Variants in RBFOX1 observed in about 807,000 individuals in gnomAD.
The protein encoded by RBFOX1 is RNA binding protein fox-1 homolog 1.
In RBFOX1, 8 loss-of-function variants were observed where a neutral mutation model predicts 57.7. That is an observed-to-expected ratio of 0.14 (90% CI 0.08 to 0.25). RBFOX1 has a LOEUF of 0.25. RBFOX1 is among the 10% of genes least tolerant of loss of function. The pLI is 1.00. For missense variants in RBFOX1, 611 were observed against 548.5 expected, an observed-to-expected ratio of 1.11 and a Z score of -1.14; for synonymous variants, 326 against 222.4, an observed-to-expected ratio of 1.47 and a Z score of -4.15.
rs2063711682 is a variant in RBFOX1, at chr16:5,298,065, T to G, written c.219+57960T>G. On this transcript the variant is annotated intron_variant, in intron 1 of 2. Coordinates refer to the RBFOX1 transcript ENST00000585867. ...AGTCATAGTAGTAAACAGTGAGTCC[T>G]TTGGGAAGAAACGTATTTAAGTAAA... Among the ~76,000 whole-genome samples the G allele has an allele frequency of 1.3e-5, 2 of 152,154 alleles. 1 individual carries two copies. Among genetic ancestry groups the G allele is most frequent in the South Asian group, 4.1e-4 (2 of 4,830 alleles).
chr16:6,769,609 C>G (rs1025286523), intron 3 of RBFOX1, among the ~76,000 whole-genome samples: 3 of 152,204 alleles, frequency 2.0e-5, no homozygotes, highest in Admixed American at 1.3e-4. Flanking sequence ...CAAGACTTCT[C>G]TATGGCATCT....
chr16:6,372,050 A>C (rs1412386367), intron 2 of RBFOX1, among the ~76,000 whole-genome samples: 3 of 152,192 alleles, frequency 2.0e-5, no homozygotes, highest in Non-Finnish European at 4.4e-5. Context: ...GGTTGAATGA[A>C]AGGATGGTTG....
intron 4 of RBFOX1, among the ~76,000 whole-genome samples, chr16:7,381,493 C>A (rs2097781134): frequency 6.9e-6 from 1 of 143,902 alleles, no homozygotes; most frequent in Non-Finnish European, 1.5e-5. Flanking sequence ...GTTCATACAT[C>A]GTTCCCCCCC....
intron 1 of RBFOX1, among the ~76,000 whole-genome samples, chr16:5,251,332 G>A (rs553839580): frequency 6.0e-4 from 92 of 152,408 alleles, no homozygotes; most frequent in African/African-American, 2.2e-3. Flanking sequence ...AGGGTTCAGT[G>A]AGATCACTGT....
At position 6,965,150 on chromosome 16, in the gene RBFOX1, C is replaced by G. The variant is rs543136455; in HGVS notation, c.-15-86907C>G. 3.3e-5 allele frequency among the ~76,000 whole-genome samples: 5 copies of G among 152,146 alleles called. No individual in the cohort carries two copies. In the South Asian group the frequency reaches 1.0e-3, roughly 32 times the overall value. ...CCATGGTTCTCGGGGCCAAGGGCAA[C>G]TGTACTGCTGCAGATTGCTGTGGTG... is the stretch of plus-strand genomic sequence containing the variant. On this transcript the variant is annotated intron_variant, in intron 3 of 15. Coordinates refer to ENST00000550418, the MANE Select transcript of RBFOX1 (RefSeq NM_018723.4).
At chr16:5,624,970 C>T (rs780477201) in intron 3 of RBFOX1, among the ~76,000 whole-genome samples, 6 of 152,072 alleles carry the variant, frequency 3.9e-5, no homozygotes, top group African/African-American at 1.2e-4. Flanking sequence ...GATTTGGGGC[C>T]GTGTGATTGA....
rs564523828 is a variant in RBFOX1 at position 6,254,513 on chromosome 16, C to T, written c.-126-62482C>T. Among the ~76,000 whole-genome samples, 4 of 152,218 alleles carry T rather than the reference C, an allele frequency of 2.6e-5. No individual in the cohort carries two copies. The South Asian group carries it at 6.2e-4, about 24-fold the overall frequency. ...GTAATAACCCTTGCTGAGTTTGAAG[C>T]TTGATCCCAAGGTCATACCATCTTG... On this transcript the variant is annotated intron_variant, in intron 1 of 15. Transcript: ENST00000550418.
chr16:5,882,448 G>A (rs1007443338), intron 4 of RBFOX1, among the ~76,000 whole-genome samples: 1 of 152,148 alleles, frequency 6.6e-6, no homozygotes, highest in Admixed American at 6.5e-5. Flanking sequence ...CAGTCACTTG[G>A]TCTCATAAAC....
At chr16:7,170,241 C>T (rs190149080) in intron 4 of RBFOX1, among the ~76,000 whole-genome samples, 1 of 152,116 alleles carries the variant, frequency 6.6e-6, no homozygotes, top group Admixed American at 6.5e-5. Context: ...ATAACAGTAA[C>T]AATTTATCCT....
At chr16:6,631,628 TAAAC>T (rs1255807357) in intron 2 of RBFOX1, among the ~76,000 whole-genome samples, 2 of 151,860 alleles carry the variant, frequency 1.3e-5, no homozygotes, top group African/African-American at 4.8e-5. Flanking sequence ...GATAGAAAAA[TAAAC>T]AAGGAAATCA....
At chr16:7,487,836 GA>G (rs1251852841) in intron 4 of RBFOX1, among the ~76,000 whole-genome samples, 2 of 152,062 alleles carry the variant, frequency 1.3e-5, no homozygotes, top group Non-Finnish European at 2.9e-5. Context: ...GTCTTGGGTA[GA>G]AAAAAAGCTG....
At chr16:7,000,318 A>T (rs957793250) in intron 3 of RBFOX1, among the ~76,000 whole-genome samples, 2 of 152,058 alleles carry the variant, frequency 1.3e-5, no homozygotes, top group Non-Finnish European at 2.9e-5. Flanking sequence ...CATGATCGAT[A>T]TGTCTCAAAT....
chr16:6,777,078 C>G (rs7197094), intron 3 of RBFOX1, among the ~76,000 whole-genome samples: 2,642 of 152,190 alleles, frequency 0.017, 80 homozygotes, highest in African/African-American at 0.059. Context: ...TCTGTGTTAA[C>G]CGTGTTGTAT....
intron 1 of RBFOX1, among the ~76,000 whole-genome samples, chr16:6,108,463 T>C (rs2096407912): frequency 6.6e-6 from 1 of 152,240 alleles, no homozygotes; most frequent in South Asian, 2.1e-4. Flanking sequence ...TAAATGCTGC[T>C]ACAGGGTAGG....
chr16:6,656,597 T>TACACAC (rs1430032609), intron 3 of RBFOX1, among the ~76,000 whole-genome samples: 1 of 87,752 alleles, frequency 1.1e-5, no homozygotes, highest in Non-Finnish European at 2.4e-5. Flanking sequence ...AAGGGGAAAA[T>TACACAC]AGACACACAC....
At chr16:5,632,304 C>T (rs1277824330) in intron 3 of RBFOX1, among the ~76,000 whole-genome samples, 1 of 152,222 alleles carries the variant, frequency 6.6e-6, no homozygotes, top group South Asian at 2.1e-4. Context: ...GTTCCCAACC[C>T]ACATCAATCT....
chr16:6,195,814 GT>G (rs1336183160), intron 1 of RBFOX1, among the ~76,000 whole-genome samples: 3 of 152,078 alleles, frequency 2.0e-5, no homozygotes, highest in African/African-American at 7.2e-5. Flanking sequence ...CTTACTTTGA[GT>G]CACGGAAGCA....
chr16:6,308,618 C>T (rs1255629805), intron 1 of RBFOX1, among the ~76,000 whole-genome samples: 3 of 152,222 alleles, frequency 2.0e-5, no homozygotes, highest in Non-Finnish European at 2.9e-5. Context: ...GTAAAAGAAG[C>T]CCCTTGGAGC....
At chr16:6,217,926 G>T (rs1169915075) in intron 1 of RBFOX1, among the ~76,000 whole-genome samples, 2 of 152,192 alleles carry the variant, frequency 1.3e-5, no homozygotes, top group East Asian at 3.9e-4. Context: ...TGAGGCATGA[G>T]AATCACTTAA....
Sources: gnomAD v4.1 joint callset for allele counts (sites outside exome capture counted in the v4.1 genomes callset) on GRCh38, gnomAD v4.1.1 for gene constraint, MANE v1.5 for transcripts, NCBI Gene and HGNC (gene_info 2026-07-23, HGNC 2026-07-21) for gene names.